Variants in MYO5A observed in about 807,000 individuals in gnomAD.
MYO5A encodes unconventional myosin-Va.
MYO5A carries 98 observed loss-of-function variants against 249.7 expected under a neutral mutation model. The observed-to-expected ratio is 0.39, with a 90% CI of 0.33 to 0.46. MYO5A has a LOEUF of 0.46. MYO5A is among the 20% of genes least tolerant of loss of function. MYO5A has a pLI of 0.98. For synonymous variants in MYO5A, 778 were observed against 810.6 expected (o/e 0.96, Z 0.68); for missense variants, 1,696 against 2,308.8 (o/e 0.73, Z 5.44).
intron 32 of MYO5A, among the ~76,000 whole-genome samples, chr15:52,339,938 G>C (rs1046609338): frequency 6.6e-6 from 1 of 152,190 alleles, no homozygotes; most frequent in Admixed American, 6.5e-5. Context: ...CAAAAGCCCA[G>C]CCTGCACCCA....
chr15:52,472,740 A>G lies in MYO5A; in HGVS notation c.28-39455T>C, dbSNP rs193180274. Among the ~76,000 whole-genome samples, 66 of 152,182 alleles carry G rather than the reference A, an allele frequency of 4.3e-4. No homozygotes were observed. In the East Asian group the frequency reaches 9.5e-3, roughly 22 times the overall value. On this transcript the variant is annotated intron_variant, in intron 1 of 41. Transcript: ENST00000399233. The stretch of plus-strand genomic sequence containing the variant: ...CATGAACTCATCCTTTTTTATGGCT[A>G]CGTAGTATTCCATGGTATACATGTG...
intron 1 of MYO5A, among the ~76,000 whole-genome samples, chr15:52,437,615 A>AAAAAG (rs1555452008): frequency 5.8e-5 from 8 of 137,792 alleles, no homozygotes; most frequent in African/African-American, 2.2e-4. Flanking sequence ...AAAAAAAAAA[A>AAAAAG]AGAGAGAGAG....
intron 1 of MYO5A, among the ~76,000 whole-genome samples, chr15:52,478,497 C>T (rs986275402): frequency 2.6e-5 from 4 of 152,178 alleles, no homozygotes; most frequent in South Asian, 2.1e-4. Context: ...TCGTCTTCTG[C>T]GTCGCTCATG....
At chr15:52,474,971 C>T (rs2076559818) in intron 1 of MYO5A, among the ~76,000 whole-genome samples, 1 of 152,190 alleles carries the variant, frequency 6.6e-6, no homozygotes, top group Non-Finnish European at 1.5e-5. Flanking sequence ...GGTACCAGCT[C>T]CTCTTTGTAC....
intron 1 of MYO5A, among the ~76,000 whole-genome samples, chr15:52,507,273 C>G (rs549305148): frequency 7.2e-5 from 11 of 152,298 alleles, no homozygotes; most frequent in African/African-American, 2.6e-4. Flanking sequence ...CAACTGGGTG[C>G]AGTACCTTTA....
chr15:52,417,951 A>T (rs2043589662), intron 4 of MYO5A, among the ~76,000 whole-genome samples: 1 of 152,202 alleles, frequency 6.6e-6, no homozygotes, highest in Admixed American at 6.5e-5. Flanking sequence ...ATAATTCAAG[A>T]CTGTAATACA....
At chr15:52,409,641 G>T (rs1004582228) in intron 6 of MYO5A, among the ~76,000 whole-genome samples, 5 of 152,158 alleles carry the variant, frequency 3.3e-5, no homozygotes, top group South Asian at 2.1e-4. Context: ...GCATGCAGTT[G>T]AGGCTAATGA....
intron 32 of MYO5A, among the ~76,000 whole-genome samples, chr15:52,339,382 A>C (rs981919987): frequency 1.3e-5 from 2 of 152,160 alleles, no homozygotes; most frequent in African/African-American, 4.8e-5. Flanking sequence ...TAGCACTACA[A>C]TATAGACTTT....
At chr15:52,419,424 A>T (rs1358428153) in intron 4 of MYO5A, among the ~76,000 whole-genome samples, 1 of 152,106 alleles carries the variant, frequency 6.6e-6, no homozygotes. Context: ...AGAGATGCTA[A>T]GTTTTTCTAC....
At chr15:52,487,755 ACAT>A (rs2076853094) in intron 1 of MYO5A, among the ~76,000 whole-genome samples, 1 of 151,714 alleles carries the variant, frequency 6.6e-6, no homozygotes, top group East Asian at 1.9e-4. Flanking sequence ...TTACACTATG[ACAT>A]TTCCTGGTTT....
At chr15:52,472,080 A>AT (rs71130164) in intron 1 of MYO5A, among the ~76,000 whole-genome samples, 18 of 139,546 alleles carry the variant, frequency 1.3e-4, no homozygotes, top group Admixed American at 4.3e-4. Context: ...TTATCCTGAC[A>AT]TTTTTTTTTT....
intron 23 of MYO5A, among the ~76,000 whole-genome samples, chr15:52,364,951 C>T (rs955684468): frequency 6.6e-6 from 1 of 152,198 alleles, no homozygotes; most frequent in Non-Finnish European, 1.5e-5. Flanking sequence ...AATTGATACA[C>T]TGGTTACAGC....
At chr15:52,375,818 A>G (rs1244312888) in intron 19 of MYO5A, among the ~76,000 whole-genome samples, 1 of 152,238 alleles carries the variant, frequency 6.6e-6, no homozygotes, top group African/African-American at 2.4e-5. Context: ...AGACATACAC[A>G]GTAATCTCAT....
At chr15:52,374,481 G>A (rs1335450487) in intron 20 of MYO5A, among the ~76,000 whole-genome samples, 1 of 152,218 alleles carries the variant, frequency 6.6e-6, no homozygotes, top group Admixed American at 6.5e-5. Context: ...CAGAAAAAGG[G>A]CCTTTGCAGA....
rs531250915 is a variant in MYO5A, at chr15:52,412,905, T to C, written c.613-2429A>G. Among the ~76,000 whole-genome samples, 10 of 152,280 alleles carry C rather than the reference T, an allele frequency of 6.6e-5. No homozygotes were observed. In the South Asian group the frequency reaches 2.1e-3, roughly 32 times the overall value. On this transcript the variant is annotated intron_variant, in intron 5 of 41. Coordinates refer to ENST00000399233, the MANE Select transcript of MYO5A (RefSeq NM_001382347.1). ...GCTCATGCCTGTAATCCCAGCACTT[T>C]GGGAGGCCAAGGCGGGTGGATCACC...
intron 2 of MYO5A, 117 bp downstream of exon 2, chr15:52,433,058 A>G (rs1193760693): frequency 3.8e-6 from 3 of 789,438 alleles, no homozygotes; most frequent in Non-Finnish European, 6.6e-6. Context: ...TTAGTAAGTA[A>G]AAATTCTAGG....
chr15:52,496,397 C>T (rs529909434), intron 1 of MYO5A, among the ~76,000 whole-genome samples: 1 of 72,880 alleles, frequency 1.4e-5, no homozygotes, highest in East Asian at 4.9e-4. Flanking sequence ...AAGCTTCCTC[C>T]CCTGGAAACG....
At chr15:52,354,201 T>C (rs2040094005) in intron 25 of MYO5A, among the ~76,000 whole-genome samples, 187 bp from the exon 26 acceptor site, 2 of 152,188 alleles carry the variant, frequency 1.3e-5, no homozygotes, top group Non-Finnish European at 2.9e-5. Flanking sequence ...TAAACAACAA[T>C]GAGCTGCTAC....
chr15:52,454,175 T>C (rs563581743), intron 1 of MYO5A, among the ~76,000 whole-genome samples: 2 of 152,158 alleles, frequency 1.3e-5, no homozygotes, highest in Admixed American at 6.5e-5. Context: ...GAAAGAGATA[T>C]TGCATGCATG....
Sources: gnomAD v4.1 joint callset for allele counts (sites outside exome capture counted in the v4.1 genomes callset) on GRCh38, gnomAD v4.1.1 for gene constraint, MANE v1.5 for transcripts, NCBI Gene and HGNC (gene_info 2026-07-23, HGNC 2026-07-21) for gene names.